Variants in LYNX1 observed in about 807,000 individuals in gnomAD.
LYNX1 encodes ly-6/neurotoxin-like protein 1.
In LYNX1, 8 loss-of-function variants were observed where a neutral mutation model predicts 8.3. The ratio of observed to expected loss-of-function variants is 0.97; its 90% CI spans 0.57 to 1.74. The LOEUF is 1.74. Ranked by LOEUF, LYNX1 falls within the 40% of genes most tolerant of loss-of-function variation. The pLI, the probability that LYNX1 is intolerant of heterozygous loss-of-function variation, is 0.00. For missense variants in LYNX1, 158 were observed against 159.7 expected, an observed-to-expected ratio of 0.99 and a Z score of 0.06; for synonymous variants, 73 against 67.9, an observed-to-expected ratio of 1.08 and a Z score of -0.37.
Position 142,774,593 on chromosome 8 carries a change from G to A in LYNX1, c.*574C>T, listed in dbSNP as rs1815323531. 6.1e-6 allele frequency: 6 copies of A among 985,782 alleles called. No individual in the cohort carries two copies. The highest frequency in any genetic ancestry group is 6.0e-6 in the Non-Finnish European group (5 of 830,318). The allele number at this position is 985,782 out of a possible 1,614,324, so 61.1% of individuals were successfully genotyped here. Reference sequence around the variant, plus strand: ...GCCGCCCCCTCCCCTGCAGGGGGTGGCTCCAACTCGGGCCTGGCAGACTTC... The same window carrying A: ...GCCGCCCCCTCCCCTGCAGGGGGTGACTCCAACTCGGGCCTGGCAGACTTC... On this transcript the variant is annotated 3_prime_UTR_variant, in exon 4 of 4. Coordinates refer to ENST00000652477, the MANE Select transcript of LYNX1 (RefSeq NM_177477.4).
chr8:142,775,380 C>A lies in LYNX1; in HGVS notation c.155-17G>T, dbSNP rs371093337. 21 of 1,609,890 alleles carry A rather than the reference C, an allele frequency of 1.3e-5. No individual in the cohort carries two copies. The highest frequency in any genetic ancestry group is 5.5e-5 in the South Asian group (5 of 90,970). Reference sequence around the variant, plus strand: ...GGGTGTAGTCTGCAGAGGGGCGGGGCGGTGAGCCAGCTCCGCTAAGAGGGG... The same window carrying A: ...GGGTGTAGTCTGCAGAGGGGCGGGGAGGTGAGCCAGCTCCGCTAAGAGGGG... On this transcript the variant is annotated splice_polypyrimidine_tract_variant and intron_variant, in intron 3 of 3. Coordinates refer to ENST00000652477, the MANE Select transcript of LYNX1 (RefSeq NM_177477.4).
Position 142,773,312 on chromosome 8 carries a change from C to G in LYNX1, c.*1855G>C, listed in dbSNP as rs1012912050. The G allele has an allele frequency of 4.1e-6, 4 of 985,496 alleles. No homozygotes were observed. Among genetic ancestry groups the G allele is most frequent in the Non-Finnish European group, 3.6e-6 (3 of 830,004 alleles). 61.0% of individuals were successfully genotyped at this position (985,496 alleles called of 1,614,324 possible). ...TGGCAGCCTCCCAGACACCCCGGGC[C>G]GGTCCTGCTCTCCAGGCTTAGGGCT... On this transcript the variant is annotated 3_prime_UTR_variant, in exon 4 of 4. Coordinates refer to ENST00000652477, the MANE Select transcript of LYNX1 (RefSeq NM_177477.4).
Position 142,771,519 on chromosome 8 carries a change from C to G in LYNX1, c.*3648G>C, listed in dbSNP as rs905843868. On this transcript the variant is annotated 3_prime_UTR_variant, in exon 4 of 4. Coordinates refer to ENST00000652477, the MANE Select transcript of LYNX1 (RefSeq NM_177477.4). ...CGGGCTGCCCAGGTGGCTCTGTCCACCCTTCTGTCTGGGAGGCTCCTTAAG... is the reference window on the plus strand; with the variant it reads ...CGGGCTGCCCAGGTGGCTCTGTCCAGCCTTCTGTCTGGGAGGCTCCTTAAG... 5 of 985,264 alleles carry G rather than the reference C, an allele frequency of 5.1e-6. No individual in the cohort carries two copies. The highest frequency in any genetic ancestry group is 4.8e-6 in the Non-Finnish European group (4 of 829,950). 61.0% of individuals were successfully genotyped at this position (985,264 alleles called of 1,614,324 possible). A position where few individuals can be genotyped will look rare whatever the true frequency, so the allele number is the denominator to read the frequency against.
rs879466127 is a variant in LYNX1 at position 142,773,179 on chromosome 8, G to C, written c.*1988C>G. On this transcript the variant is annotated 3_prime_UTR_variant, in exon 4 of 4. Transcript: ENST00000652477. ...AGGAGCCCAAAGCCGCCTCCCTCCC[G>C]GTAAGCATCCCAAGGCATCGCTGGC... 4.1e-6 allele frequency: 4 copies of C among 985,652 alleles called. No homozygotes were observed. Among genetic ancestry groups the C allele is most frequent in the Non-Finnish European group, 4.8e-6 (4 of 830,106 alleles). 61.1% of individuals were successfully genotyped at this position (985,652 alleles called of 1,614,324 possible).
rs1268796282 is a variant in LYNX1, at chr8:142,773,938, G to A, written c.*1229C>T. ...AATGCCCCATTCACAGCAGGGGCAGGTGCTCCCTGGGCTACCTGCATCGGG... is the reference window on the plus strand; with the variant it reads ...AATGCCCCATTCACAGCAGGGGCAGATGCTCCCTGGGCTACCTGCATCGGG... On this transcript the variant is annotated 3_prime_UTR_variant, in exon 4 of 4. Transcript: ENST00000652477. 2.0e-6 allele frequency: 2 copies of A among 985,392 alleles called. No homozygotes were observed. Among genetic ancestry groups the A allele is most frequent in the Non-Finnish European group, 2.4e-6 (2 of 829,926 alleles). 61.0% of individuals were successfully genotyped at this position (985,392 alleles called of 1,614,324 possible). A position where few individuals can be genotyped will look rare whatever the true frequency, so the allele number is the denominator to read the frequency against.
rs587667676 is a variant in LYNX1 at position 142,771,849 on chromosome 8, C to T, written c.*3318G>A. 6 of 985,930 alleles carry T rather than the reference C, an allele frequency of 6.1e-6. No individual in the cohort carries two copies. Among genetic ancestry groups the T allele is most frequent in the African/African-American group, 3.5e-5 (2 of 57,334 alleles). 61.1% of individuals were successfully genotyped at this position (985,930 alleles called of 1,614,324 possible). A position where few individuals can be genotyped will look rare whatever the true frequency, so the allele number is the denominator to read the frequency against. ...CGCCTGGAGGAAGCCTGCCCAGGGC[C>T]GCAGCCCTGCCCCCAAAGACCCCAG... is the stretch of plus-strand genomic sequence containing the variant. On this transcript the variant is annotated 3_prime_UTR_variant, in exon 4 of 4. Coordinates refer to ENST00000652477, the MANE Select transcript of LYNX1 (RefSeq NM_177477.4).
Position 142,772,756 on chromosome 8 carries a change from C to T in LYNX1, c.*2411G>A. 1 of 985,528 alleles carries T rather than the reference C, an allele frequency of 1.0e-6. No individual in the cohort carries two copies. The highest frequency in any genetic ancestry group is 1.2e-6 in the Non-Finnish European group (1 of 829,986). The allele number at this position is 985,528 out of a possible 1,614,324, so 61.0% of individuals were successfully genotyped here. On this transcript the variant is annotated 3_prime_UTR_variant, in exon 4 of 4. Transcript: ENST00000652477. ...TGCCGGTTCCCTGGTGCTGCACAGC[C>T]ACGCACTCCCCATGAGTGGGCCTGC...
rs1054413245 is a variant in LYNX1 at position 142,774,520 on chromosome 8, C to G, written c.*647G>C. The G allele has an allele frequency of 1.4e-5, 14 of 985,792 alleles. No homozygotes were observed. Among genetic ancestry groups the G allele is most frequent in the African/African-American group, 1.7e-5 (1 of 57,358 alleles). 61.1% of individuals were successfully genotyped at this position (985,792 alleles called of 1,614,324 possible). On this transcript the variant is annotated 3_prime_UTR_variant, in exon 4 of 4. Coordinates refer to ENST00000652477, the MANE Select transcript of LYNX1 (RefSeq NM_177477.4). Reference sequence around the variant, plus strand: ...GAGGACACACACCCCTTGCTGGACCCGAAAAAGCTTCTGTGACTTCGGGGG... The same window carrying G: ...GAGGACACACACCCCTTGCTGGACCGGAAAAAGCTTCTGTGACTTCGGGGG...
rs995489354 is a variant in LYNX1 at position 142,772,603 on chromosome 8, T to A, written c.*2564A>T. 11 of 985,438 alleles carry A rather than the reference T, an allele frequency of 1.1e-5. No individual in the cohort carries two copies. Among genetic ancestry groups the A allele is most frequent in the African/African-American group, 1.0e-4 (6 of 57,252 alleles). 61.0% of individuals were successfully genotyped at this position (985,438 alleles called of 1,614,324 possible). On this transcript the variant is annotated 3_prime_UTR_variant, in exon 4 of 4. Transcript: ENST00000652477. Reference sequence around the variant, plus strand: ...CTCCTCTGTCAAAGGGGCAAGATAATGGCTCCCATTGCCGGGCTGCTATAC... The same window carrying A: ...CTCCTCTGTCAAAGGGGCAAGATAAAGGCTCCCATTGCCGGGCTGCTATAC...
In LYNX1 at chr8:142,775,357, G is replaced by T. The variant is rs753961289; in HGVS notation, c.161C>A (p.Thr54Asn). 1.9e-6 allele frequency: 3 copies of T among 1,613,490 alleles called. No homozygotes were observed. The highest frequency in any genetic ancestry group is 2.5e-6 in the Non-Finnish European group (3 of 1,179,878). Residue 54 changes from threonine (T) to asparagine (N), a missense_variant, in exon 4 of 4, where the codon ACC (threonine) becomes AAC (asparagine). Transcript: ENST00000652477. ...AYCMTTRTYY[T>N]PTRMKVSKSC... ...CTTACTGACCTTCATCCTGGTGGGG[G>T]TGTAGTCTGCAGAGGGGCGGGGCGG...
Position 142,772,222 on chromosome 8 carries a change from C to G in LYNX1, c.*2945G>C. 1 of 986,036 alleles carries G rather than the reference C, an allele frequency of 1.0e-6. No homozygotes were observed. Among genetic ancestry groups the G allele is most frequent in the South Asian group, 4.7e-5 (1 of 21,296 alleles). 61.1% of individuals were successfully genotyped at this position (986,036 alleles called of 1,614,324 possible). The stretch of plus-strand genomic sequence containing the variant: ...CCACACAGACAGTGGCAACAGCTAG[C>G]CCTGGGCATCTACCCCCATGAAGGG... On this transcript the variant is annotated 3_prime_UTR_variant, in exon 4 of 4. Transcript: ENST00000652477.
rs911449787 is a variant in LYNX1, at chr8:142,771,957, T to G, written c.*3210A>C. 1 of 986,010 alleles carries G rather than the reference T, an allele frequency of 1.0e-6. No individual in the cohort carries two copies. The highest frequency in any genetic ancestry group is 1.2e-6 in the Non-Finnish European group (1 of 830,138). The allele number at this position is 986,010 out of a possible 1,614,324, so 61.1% of individuals were successfully genotyped here. ...CAGGTCCCACCCCAGGGTCACTTCC[T>G]GTAGCTCCGACTTCTCTAGTGGCTG... On this transcript the variant is annotated 3_prime_UTR_variant, in exon 4 of 4. Coordinates refer to ENST00000652477, the MANE Select transcript of LYNX1 (RefSeq NM_177477.4).
At position 142,773,204 on chromosome 8, in the gene LYNX1, C is replaced by T; in HGVS notation, c.*1963G>A. ...GGTAAGCATCCCAAGGCATCGCTGG[C>T]TGCAGCTGAGAGGGCCTCATTTGGG... On this transcript the variant is annotated 3_prime_UTR_variant, in exon 4 of 4. Coordinates refer to ENST00000652477, the MANE Select transcript of LYNX1 (RefSeq NM_177477.4). 2 of 985,634 alleles carry T rather than the reference C, an allele frequency of 2.0e-6. No homozygotes were observed. Among genetic ancestry groups the T allele is most frequent in the Non-Finnish European group, 2.4e-6 (2 of 830,060 alleles). The allele number at this position is 985,634 out of a possible 1,614,324, so 61.1% of individuals were successfully genotyped here.
At chr8:142,776,430 A>T in intron 1 of LYNX1, 1 of 197,636 alleles carries the variant, frequency 5.1e-6, no homozygotes, top group South Asian at 9.5e-5. Context: ...ACCAGGCCTA[A>T]ACAAGGATTT....
intron 3 of LYNX1, 28 bp from the exon 4 acceptor site, chr8:142,775,391 C>T: frequency 6.2e-7 from 1 of 1,608,770 alleles, no homozygotes; most frequent in South Asian, 1.1e-5. Flanking sequence ...GGTGAGCCAG[C>T]TCCGCTAAGA....
At position 142,771,820 on chromosome 8, in the gene LYNX1, C is replaced by T. The variant is rs2130093916; in HGVS notation, c.*3347G>A. 1.0e-6 allele frequency: 1 copy of T among 985,918 alleles called. No homozygotes were observed. The allele number at this position is 985,918 out of a possible 1,614,324, so 61.1% of individuals were successfully genotyped here. The stretch of plus-strand genomic sequence containing the variant: ...GCCTGGCTCCCCCACTTCCCCAGGA[C>T]CTCCGCCTGGAGGAAGCCTGCCCAG... On this transcript the variant is annotated 3_prime_UTR_variant, in exon 4 of 4. Transcript: ENST00000652477.
In LYNX1 at chr8:142,774,724, C is replaced by G; in HGVS notation, c.*443G>C. On this transcript the variant is annotated 3_prime_UTR_variant, in exon 4 of 4. Coordinates refer to ENST00000652477, the MANE Select transcript of LYNX1 (RefSeq NM_177477.4). ...GGAAGCGTGACTAGGCCTGGAGGAG[C>G]CTTTCCTCCTAAGAGTCTCCCCACC... 3.0e-6 allele frequency: 3 copies of G among 1,011,210 alleles called. No individual in the cohort carries two copies. Among genetic ancestry groups the G allele is most frequent in the Non-Finnish European group, 3.5e-6 (3 of 846,190 alleles). The allele number at this position is 1,011,210 out of a possible 1,614,324, so 62.6% of individuals were successfully genotyped here.
At position 142,776,039 on chromosome 8, in the gene LYNX1, G is replaced by A; in HGVS notation, c.-82C>T. On this transcript the variant is annotated 5_prime_UTR_variant, in exon 2 of 4. Transcript: ENST00000652477. Reference sequence around the variant, plus strand: ...ATCCAACTCAGGGGTGGCGCACAGAGGATCCAACTCAGGGTGGTGCGCAGA... The same window carrying A: ...ATCCAACTCAGGGGTGGCGCACAGAAGATCCAACTCAGGGTGGTGCGCAGA... The A allele has an allele frequency of 6.5e-7, 1 of 1,529,874 alleles. No individual in the cohort carries two copies. The highest frequency in any genetic ancestry group is 9.0e-7 in the Non-Finnish European group (1 of 1,113,544). 94.8% of individuals were successfully genotyped at this position (1,529,874 alleles called of 1,614,324 possible).
At position 142,775,002 on chromosome 8, in the gene LYNX1, G is replaced by A; in HGVS notation, c.*165C>T. 2 of 1,438,116 alleles carry A rather than the reference G, an allele frequency of 1.4e-6. No homozygotes were observed. Among genetic ancestry groups the A allele is most frequent in the Non-Finnish European group, 1.8e-6 (2 of 1,100,570 alleles). The allele number at this position is 1,438,116 out of a possible 1,614,324, so 89.1% of individuals were successfully genotyped here. ...GGTCAAGGCCTCGAAGTGAGGTCGT[G>A]TGGTGGTTGGGGGAGGTCGGGTGTC... is the stretch of plus-strand genomic sequence containing the variant. On this transcript the variant is annotated 3_prime_UTR_variant, in exon 4 of 4. Coordinates refer to ENST00000652477, the MANE Select transcript of LYNX1 (RefSeq NM_177477.4).
Sources: gnomAD v4.1 joint callset for allele counts on GRCh38, gnomAD v4.1.1 for gene constraint, MANE v1.5 for transcripts, NCBI Gene and HGNC (gene_info 2026-07-23, HGNC 2026-07-21) for gene names.